The following LRRC38 variants were observed in gnomAD, a reference collection of about 807,000 sequenced individuals.
LRRC38 encodes leucine-rich repeat-containing protein 38.
Under a neutral mutation model 16.4 loss-of-function variants are expected in LRRC38, and 5 were observed. The ratio of observed to expected loss-of-function variants is 0.31; its 90% CI spans 0.16 to 0.64. The LOEUF (loss-of-function observed/expected upper bound fraction) is 0.64, where lower values mean the gene tolerates loss of function less well. Among genes scored for constraint, LRRC38 ranks in the 30% least tolerant of loss-of-function variants. The pLI is 0.80. For missense variants in LRRC38, 341 were observed against 401.8 expected, an observed-to-expected ratio of 0.85 and a Z score of 1.29; for synonymous variants, 191 against 190.2, an observed-to-expected ratio of 1.00 and a Z score of -0.04.
At chr1:13,481,390 T>TA (rs902228649) in intron 1 of LRRC38, among the ~76,000 whole-genome samples, 19 of 130,196 alleles carry the variant, frequency 1.5e-4, no homozygotes, top group African/African-American at 3.5e-4. Flanking sequence ...TTTTTATTTT[T>TA]TTTTTTTTGT....
intron 1 of LRRC38, among the ~76,000 whole-genome samples, chr1:13,484,911 C>T (rs1282498474): frequency 6.6e-6 from 1 of 152,220 alleles, no homozygotes; most frequent in East Asian, 1.9e-4. Flanking sequence ...AATGGAAGAG[C>T]CGGGATCTAG....
In LRRC38 at chr1:13,481,772, CCTCTCTCCCTCTCTCCCTCTCTCTCT is replaced by C. The variant is rs1282588799; in HGVS notation, c.632-5699_632-5674del. On this transcript the variant is annotated intron_variant, in intron 1 of 1. Coordinates refer to ENST00000376085, the MANE Select transcript of LRRC38 (RefSeq NM_001010847.2). ...CTCTCACTTTCTTTCCCTCTCTCTCCCTCTCTCCCTCTCTCCCTCTCTCTCTCTCTCTCTCTCTCTCTCTCTCTCTC... is the reference window on the plus strand; with the variant it reads ...CTCTCACTTTCTTTCCCTCTCTCTCCCTCTCTCTCTCTCTCTCTCTCTCTC... Among the ~76,000 whole-genome samples the C allele has an allele frequency of 1.7e-4, 5 of 30,078 alleles. No individual in the cohort carries two copies. The South Asian group carries it at 2.4e-3, about 14-fold the overall frequency. The allele number at this position is 30,078 out of a possible 152,430, so 19.7% of individuals were successfully genotyped here. A position where few individuals can be genotyped will look rare whatever the true frequency, so the allele number is the denominator to read the frequency against.
chr1:13,488,022 T>TTGTGTTTG (rs1482554078), intron 1 of LRRC38, among the ~76,000 whole-genome samples: 2 of 95,792 alleles, frequency 2.1e-5, no homozygotes, highest in Non-Finnish European at 4.5e-5. Context: ...CTTTTCTAGA[T>TTGTGTTTG]TGTGTGTGTT....
intron 1 of LRRC38, among the ~76,000 whole-genome samples, chr1:13,506,990 G>A (rs371688487): frequency 1.3e-5 from 2 of 152,218 alleles, no homozygotes; most frequent in African/African-American, 2.4e-5. Context: ...TTCCCCTGGG[G>A]CTATCTGTCC....
At chr1:13,481,548 C>G (rs61195259) in intron 1 of LRRC38, among the ~76,000 whole-genome samples, 4,136 of 151,890 alleles carry the variant, frequency 0.027, 83 homozygotes, top group African/African-American at 0.056. Context: ...CCCACCACCA[C>G]GCCCGGCTAA....
intron 1 of LRRC38, among the ~76,000 whole-genome samples, chr1:13,499,090 C>A (rs1017287187): frequency 2.6e-5 from 4 of 151,938 alleles, no homozygotes; most frequent in African/African-American, 9.7e-5. Flanking sequence ...GATGATCCCA[C>A]TGCATTTTTT....
intron 1 of LRRC38, among the ~76,000 whole-genome samples, chr1:13,483,309 C>A (rs1638891893): frequency 6.6e-6 from 1 of 151,942 alleles, no homozygotes; most frequent in African/African-American, 2.4e-5. Context: ...ATGCCACCAC[C>A]CCCAGCTAAT....
At chr1:13,512,920 T>TGCCCCCCA in intron 1 of LRRC38, 43 bp downstream of exon 1, 1 of 1,269,030 alleles carries the variant, frequency 7.9e-7, no homozygotes, top group Non-Finnish European at 1.1e-6. Context: ...GGCCTCTCCC[T>TGCCCCCCA]GCCCCCCTCC....
chr1:13,502,193 G>A (rs777329149), intron 1 of LRRC38, among the ~76,000 whole-genome samples: 3 of 150,050 alleles, frequency 2.0e-5, no homozygotes, highest in Non-Finnish European at 3.0e-5. Context: ...TGCCCGCCTC[G>A]GCCTCCCAAA....
At chr1:13,510,624 CTG>C (rs2100528648) in intron 1 of LRRC38, among the ~76,000 whole-genome samples, 1 of 128,326 alleles carries the variant, frequency 7.8e-6, no homozygotes, top group East Asian at 2.4e-4. Context: ...TGAGCTGTCT[CTG>C]TGAAAAGTAG....
At chr1:13,491,832 C>G (rs1185955896) in intron 1 of LRRC38, among the ~76,000 whole-genome samples, 1 of 152,074 alleles carries the variant, frequency 6.6e-6, no homozygotes, top group Admixed American at 6.6e-5. Flanking sequence ...TGTGCCACCA[C>G]GCCCAGCTAA....
At chr1:13,486,929 G>C (rs1371669527) in intron 1 of LRRC38, among the ~76,000 whole-genome samples, 1 of 152,086 alleles carries the variant, frequency 6.6e-6, no homozygotes. Flanking sequence ...CTGACATAGA[G>C]GTCGGTACCC....
intron 1 of LRRC38, among the ~76,000 whole-genome samples, chr1:13,483,253 G>A (rs1005919792): frequency 6.6e-6 from 1 of 152,192 alleles, no homozygotes; most frequent in African/African-American, 2.4e-5. Flanking sequence ...CCAGGCTCAA[G>A]CAATTCTCCT....
In LRRC38 at chr1:13,481,762, CCTCTCTCT is replaced by C. The variant is rs1569910321; in HGVS notation, c.632-5671_632-5664del. Among the ~76,000 whole-genome samples the C allele has an allele frequency of 2.2e-4, 11 of 50,836 alleles. No individual in the cohort carries two copies. In the African/African-American group the frequency reaches 2.9e-3, roughly 13 times the overall value. 33.4% of individuals were successfully genotyped at this position (50,836 alleles called of 152,430 possible). On this transcript the variant is annotated intron_variant, in intron 1 of 1. Coordinates refer to ENST00000376085, the MANE Select transcript of LRRC38 (RefSeq NM_001010847.2). ...CTGTCTCTGCCTCTCACTTTCTTTC[CCTCTCTCT>C]CCCTCTCTCCCTCTCTCCCTCTCTC...
chr1:13,488,022 T>TTGTGTTTGTG (rs1482554078), intron 1 of LRRC38, among the ~76,000 whole-genome samples: 2 of 95,792 alleles, frequency 2.1e-5, no homozygotes, highest in East Asian at 5.8e-4. Flanking sequence ...CTTTTCTAGA[T>TTGTGTTTGTG]TGTGTGTGTT....
rs986346957 is a variant in LRRC38 at position 13,477,422 on chromosome 1, TAAAG to T, written c.632-1327_632-1324del. On this transcript the variant is annotated intron_variant, in intron 1 of 1. Coordinates refer to ENST00000376085, the MANE Select transcript of LRRC38 (RefSeq NM_001010847.2). The stretch of plus-strand genomic sequence containing the variant: ...AGGATGAAACGTCAGGGTAGAAAGA[TAAAG>T]AAAGTCTGGGACAAAGAATTGTCTT... 2.0e-5 allele frequency among the ~76,000 whole-genome samples: 3 copies of T among 152,250 alleles called. No individual in the cohort carries two copies. The East Asian group carries it at 5.8e-4, about 29-fold the overall frequency.
At chr1:13,497,481 A>G (rs1279633311) in intron 1 of LRRC38, among the ~76,000 whole-genome samples, 2 of 152,142 alleles carry the variant, frequency 1.3e-5, no homozygotes, top group East Asian at 3.9e-4. Context: ...GGGCCACAAA[A>G]TGTTCAGCAA....
intron 1 of LRRC38, among the ~76,000 whole-genome samples, chr1:13,480,351 TAAAC>T (rs1210347364): frequency 1.3e-5 from 2 of 152,022 alleles, no homozygotes; most frequent in Non-Finnish European, 2.9e-5. Context: ...GTCTAAAAAA[TAAAC>T]AAACTGTCTC....
intron 1 of LRRC38, among the ~76,000 whole-genome samples, chr1:13,482,420 T>C (rs77671315): frequency 0.016 from 2,376 of 151,456 alleles, 75 homozygotes; most frequent in African/African-American, 0.055. Context: ...CTACTAAAAA[T>C]AACAAAAAAA....
Sources: allele counts gnomAD v4.1 joint callset (sites outside exome capture counted in the v4.1 genomes callset), GRCh38; gene constraint gnomAD v4.1.1; transcripts MANE v1.5; gene names NCBI Gene and HGNC (gene_info 2026-07-23, HGNC 2026-07-21).